Variants in RAD51B observed in about 807,000 individuals in gnomAD.
RAD51B encodes the protein RAD51 paralog B, also known as DNA repair protein RAD51 homolog 2.
In RAD51B, 38 loss-of-function variants were observed where a neutral mutation model predicts 42.2. That is an observed-to-expected ratio of 0.90 (90% confidence interval 0.70 to 1.18). The LOEUF is 1.18. RAD51B is among the 50% of genes most tolerant of loss of function. RAD51B has a pLI of 0.00. For synonymous variants in RAD51B, 154 were observed against 145.2 expected, an observed-to-expected ratio of 1.06 and a Z score of -0.43; for missense variants, 373 against 400.7, an observed-to-expected ratio of 0.93 and a Z score of 0.59.
chr14:68,344,034 G>T (rs1566821821), intron 8 of RAD51B, among the ~76,000 whole-genome samples: 1 of 152,270 alleles, frequency 6.6e-6, no homozygotes, highest in African/African-American at 2.4e-5. Flanking sequence ...CTGCTGCAGA[G>T]GTGGAGCCCT....
chr14:68,047,408 T>C (rs994318606), intron 7 of RAD51B, among the ~76,000 whole-genome samples: 1 of 152,162 alleles, frequency 6.6e-6, no homozygotes, highest in African/African-American at 2.4e-5. Flanking sequence ...ATATTTTAAA[T>C]TTATGATGAT....
chr14:68,085,875 G>T (rs1290405187), intron 7 of RAD51B, among the ~76,000 whole-genome samples: 1 of 152,164 alleles, frequency 6.6e-6, no homozygotes, highest in African/African-American at 2.4e-5. Context: ...ACCTCTAGGG[G>T]AGGCTAGATG....
intron 7 of RAD51B, among the ~76,000 whole-genome samples, chr14:68,008,191 C>T (rs1452542156): frequency 6.6e-6 from 1 of 151,870 alleles, no homozygotes; most frequent in African/African-American, 2.4e-5. Context: ...CAGTGATACT[C>T]ATGCCAGTAT....
rs1031892097 is a variant in RAD51B, at chr14:68,133,817, C to CT, written c.757-158057dup. On this transcript the variant is annotated intron_variant, in intron 7 of 10. Transcript: ENST00000471583. ...AGATTATTTTGGCTTGTTAAGAAAACTTTTTTTTTTAAATAATTATATATT... is the reference window on the plus strand; with the variant it reads ...AGATTATTTTGGCTTGTTAAGAAAACTTTTTTTTTTTAAATAATTATATATT... 8.1e-4 allele frequency among the ~76,000 whole-genome samples: 121 copies of CT among 149,762 alleles called. 1 individual carries two copies. Among genetic ancestry groups the CT allele is most frequent in the African/African-American group, 2.6e-3 (105 of 40,852 alleles).
intron 11 of RAD51B, among the ~76,000 whole-genome samples, chr14:68,680,628 A>G (rs1263074518): frequency 6.6e-6 from 1 of 152,082 alleles, no homozygotes; most frequent in Non-Finnish European, 1.5e-5. Flanking sequence ...ATGCTATCTG[A>G]TGGCCACACC....
intron 8 of RAD51B, among the ~76,000 whole-genome samples, chr14:68,378,090 C>G (rs2083408178): frequency 6.6e-6 from 1 of 152,156 alleles, no homozygotes; most frequent in Admixed American, 6.5e-5. Context: ...ACATATCACT[C>G]CAGTTTGAGA....
intron 7 of RAD51B, among the ~76,000 whole-genome samples, chr14:68,087,814 AAAT>A (rs1203562082): frequency 2.5e-4 from 32 of 128,926 alleles, no homozygotes; most frequent in African/African-American, 7.1e-4. Context: ...ATTGACTTAA[AAAT>A]AATATTTTTA....
At chr14:67,838,883 C>A (rs139633837) in intron 4 of RAD51B, among the ~76,000 whole-genome samples, 5 of 150,234 alleles carry the variant, frequency 3.3e-5, no homozygotes, top group Non-Finnish European at 7.4e-5. Context: ...CATTTCCTAG[C>A]TAAAATACTA....
At chr14:68,312,719 G>T (rs11851904) in intron 8 of RAD51B, among the ~76,000 whole-genome samples, 231 of 152,220 alleles carry the variant, frequency 1.5e-3, no homozygotes, top group African/African-American at 5.3e-3. Context: ...TGTTCTGTTT[G>T]GTTCACCTGG....
At chr14:68,492,828 T>A (rs1323309499) in intron 10 of RAD51B, among the ~76,000 whole-genome samples, 2 of 152,176 alleles carry the variant, frequency 1.3e-5, no homozygotes, top group Non-Finnish European at 2.9e-5. Flanking sequence ...TATTAAGTAC[T>A]CAGTAAATGC....
chr14:67,848,583 T>C (rs2041701731), intron 4 of RAD51B, among the ~76,000 whole-genome samples: 1 of 152,250 alleles, frequency 6.6e-6, no homozygotes, highest in East Asian at 1.9e-4. Context: ...ACACTTAACA[T>C]TGAAGTTTAG....
At chr14:68,089,752 A>C (rs1167240960) in intron 7 of RAD51B, among the ~76,000 whole-genome samples, 1 of 152,090 alleles carries the variant, frequency 6.6e-6, no homozygotes, top group African/African-American at 2.4e-5. Flanking sequence ...GTGTGTGAAA[A>C]CGCAGACTTT....
intron 10 of RAD51B, chr14:68,468,501 T>C (rs1434494018): frequency 1.9e-6 from 1 of 522,038 alleles, no homozygotes. Context: ...AATCAAAACA[T>C]GAGGATCAAA....
At chr14:67,916,811 A>C (rs1176862088) in intron 7 of RAD51B, among the ~76,000 whole-genome samples, 1 of 152,182 alleles carries the variant, frequency 6.6e-6, no homozygotes, top group Non-Finnish European at 1.5e-5. Context: ...TCACTCTTCT[A>C]TGTGTTGGGG....
chr14:68,136,021 ACT>A (rs1341686615), intron 7 of RAD51B, among the ~76,000 whole-genome samples: 1 of 151,998 alleles, frequency 6.6e-6, no homozygotes, highest in Non-Finnish European at 1.5e-5. Flanking sequence ...AAAAAAAGTG[ACT>A]CTATATTAGT....
chr14:68,405,340 A>G (rs1037541910), intron 8 of RAD51B, among the ~76,000 whole-genome samples: 3 of 152,222 alleles, frequency 2.0e-5, no homozygotes, highest in Admixed American at 2.0e-4. Flanking sequence ...GCTACTCGGT[A>G]GGCTGAGGTG....
At chr14:68,582,115 A>C (rs1461886243) in intron 10 of RAD51B, among the ~76,000 whole-genome samples, 1 of 152,254 alleles carries the variant, frequency 6.6e-6, no homozygotes, top group Non-Finnish European at 1.5e-5. Context: ...CTTCATGACT[A>C]AAACACCAAA....
chr14:67,865,072 A>G lies in RAD51B; in HGVS notation c.385A>G (p.Thr129Ala), dbSNP rs769817306. The change falls in exon 5 of 11, where the codon ACC becomes GCC. Residue 129 changes from threonine (T) to alanine (A), a missense_variant. Coordinates refer to ENST00000471583, the MANE Select transcript of RAD51B (RefSeq NM_133510.4). ...IMMSILATLP[T>A]NMGGLEGAVV... The stretch of plus-strand genomic sequence containing the variant: ...GATGAGCATTTTGGCTACATTACCC[A>G]CCAACATGGGAGGATTAGAAGGAGC... 1 of 1,598,318 alleles carries G rather than the reference A, an allele frequency of 6.3e-7. No individual in the cohort carries two copies. The highest frequency in any genetic ancestry group is 1.1e-5 in the South Asian group (1 of 90,324).
intron 8 of RAD51B, among the ~76,000 whole-genome samples, chr14:68,390,810 C>A (rs2083725920): frequency 1.3e-5 from 2 of 152,226 alleles, no homozygotes; most frequent in African/African-American, 4.8e-5. Context: ...GTTTCACCAA[C>A]TACTCAGATG....
Sources: allele counts gnomAD v4.1 joint callset (sites outside exome capture counted in the v4.1 genomes callset), GRCh38; gene constraint gnomAD v4.1.1; transcripts MANE v1.5; gene names NCBI Gene and HGNC (gene_info 2026-07-23, HGNC 2026-07-21).